Variants in PCDHGA4 observed in about 807,000 individuals in gnomAD.
PCDHGA4 encodes protocadherin gamma-A4.
In PCDHGA4, 38 loss-of-function variants were observed where a neutral mutation model predicts 54.6. The observed-to-expected ratio is 0.70, with a 90% CI of 0.54 to 0.91. PCDHGA4 has a LOEUF of 0.91. Ranked by LOEUF, PCDHGA4 falls within the 40% of genes least tolerant of loss-of-function variation. PCDHGA4 has a pLI of 0.00. For missense variants in PCDHGA4, 1,298 were observed against 1,220.9 expected, an observed-to-expected ratio of 1.06 and a Z score of -0.94; for synonymous variants, 511 against 512.9, an observed-to-expected ratio of 1.00 and a Z score of 0.05.
chr5:141,489,491 T>C lies in PCDHGA4; in HGVS notation c.2515-5316T>C. On this transcript the variant is annotated intron_variant, in intron 1 of 3. Transcript: ENST00000571252. This position sits in a 1 kb window ranked among gnomAD's most constrained non-coding sequence, Gnocchi z 4.5. ...TCCCTGAGCTTGATGAGTGGTGCCC[T>C]GGCAGTGAATCAAAAGATTGACCGA... The C allele has an allele frequency of 6.2e-7, 1 of 1,614,066 alleles. No individual in the cohort carries two copies. The highest frequency in any genetic ancestry group is 8.5e-7 in the Non-Finnish European group (1 of 1,180,024).
In PCDHGA4 at chr5:141,387,468, A is replaced by G. The variant is rs190489292; in HGVS notation, c.2514+29847A>G. On this transcript the variant is annotated intron_variant, in intron 1 of 3. Transcript: ENST00000571252. ...TACATGATTTGCCTAAAAATCCTCA[A>G]AGTTGGGATGAAGGCATTCCTAAGA... Among the ~76,000 whole-genome samples the G allele has an allele frequency of 3.6e-3, 554 of 152,350 alleles. 1 individual carries two copies. Among genetic ancestry groups the G allele is most frequent in the Non-Finnish European group, 6.0e-3 (405 of 68,034 alleles).
At chr5:141,467,431 C>T (rs1452587540) in intron 1 of PCDHGA4, among the ~76,000 whole-genome samples, 1 of 152,170 alleles carries the variant, frequency 6.6e-6, no homozygotes, top group African/African-American at 2.4e-5. Flanking sequence ...GTTATAGAAA[C>T]ATTCATTACT....
intron 1 of PCDHGA4, chr5:141,416,520 G>A (rs1209482346): frequency 6.6e-6 from 1 of 152,136 alleles, no homozygotes; most frequent in African/African-American, 2.4e-5. Context: ...TATTTCAGTG[G>A]CTCTTTAATG....
At chr5:141,375,619 G>C in intron 1 of PCDHGA4, 1 of 1,614,216 alleles carries the variant, frequency 6.2e-7, no homozygotes, top group Non-Finnish European at 8.5e-7. Flanking sequence ...CCGACACTGG[G>C]ATTCTGTACG....
rs752401867 is a variant in PCDHGA4, at chr5:141,511,224, G to A, written c.*51G>A. On this transcript the variant is annotated 3_prime_UTR_variant, in exon 4 of 4. Transcript: ENST00000571252. ...GGGCGGCCTCTCCCCAACCAGCCCA[G>A]CTTCTCCTTACCTGCACCCAGGCCT... 1.2e-6 allele frequency: 2 copies of A among 1,603,276 alleles called. No homozygotes were observed.
At chr5:141,359,669 G>T (rs1417596414) in intron 1 of PCDHGA4, among the ~76,000 whole-genome samples, 1 of 151,966 alleles carries the variant, frequency 6.6e-6, no homozygotes, top group African/African-American at 2.4e-5. Context: ...ATAAAAATCC[G>T]TTGCCCTATA....
chr5:141,497,413 T>A (rs572922456), intron 2 of PCDHGA4, among the ~76,000 whole-genome samples: 1 of 151,928 alleles, frequency 6.6e-6, no homozygotes, highest in African/African-American at 2.4e-5. Context: ...TCCCATTCCA[T>A]CAAATGAGAG....
intron 3 of PCDHGA4, among the ~76,000 whole-genome samples, chr5:141,509,907 C>T (rs149338646): frequency 3.3e-5 from 5 of 152,182 alleles, no homozygotes; most frequent in South Asian, 2.1e-4. Context: ...TTCCAGCATG[C>T]GCTTAGGTAC....
intron 1 of PCDHGA4, chr5:141,421,453 T>G: frequency 1.2e-6 from 2 of 1,614,102 alleles, no homozygotes; most frequent in Middle Eastern, 1.6e-4. Context: ...GACACAGCTT[T>G]TCGCTGTGAA....
chr5:141,410,342 C>T (rs772070270), intron 1 of PCDHGA4: 12 of 1,613,946 alleles, frequency 7.4e-6, no homozygotes, highest in Non-Finnish European at 9.3e-6. Flanking sequence ...CATTGCCTTG[C>T]GCCTGCGACG....
intron 1 of PCDHGA4, chr5:141,403,711 G>A: frequency 6.2e-7 from 1 of 1,613,930 alleles, no homozygotes; most frequent in South Asian, 1.1e-5. Context: ...AAGTCCTTGA[G>A]AACGTGCCCC....
chr5:141,413,574 T>C (rs773380895), intron 1 of PCDHGA4: 12 of 1,613,714 alleles, frequency 7.4e-6, no homozygotes, highest in Admixed American at 1.7e-5. Flanking sequence ...TCAATGACAA[T>C]GCTCCAAAAT....
chr5:141,425,962 C>T (rs2096906059), intron 1 of PCDHGA4, among the ~76,000 whole-genome samples: 2 of 152,236 alleles, frequency 1.3e-5, no homozygotes, highest in African/African-American at 2.4e-5. Flanking sequence ...TAGTCCAACA[C>T]ATCAGTCTAA....
chr5:141,374,151 T>C lies in PCDHGA4; in HGVS notation c.2514+16530T>C, dbSNP rs759314106. ...CTGCTCCTCACGCTCCTGGGGACGC[T>C]GTGGGGGGCCGCGGCAGCGCAGATC... On this transcript the variant is annotated intron_variant, in intron 1 of 3. Coordinates refer to ENST00000571252, the MANE Select transcript of PCDHGA4 (RefSeq NM_018917.4). 2 of 1,611,862 alleles carry C rather than the reference T, an allele frequency of 1.2e-6. No individual in the cohort carries two copies. Among genetic ancestry groups the C allele is most frequent in the Non-Finnish European group, 1.7e-6 (2 of 1,178,732 alleles).
intron 1 of PCDHGA4, chr5:141,370,507 C>G: frequency 1.2e-6 from 2 of 1,613,920 alleles, no homozygotes; most frequent in Non-Finnish European, 1.7e-6. Context: ...TACGCTATTC[C>G]CGAGGAGCTG....
intron 1 of PCDHGA4, chr5:141,393,310 C>A (rs775937552): frequency 1.2e-6 from 2 of 1,613,388 alleles, no homozygotes; most frequent in African/African-American, 2.7e-5. Flanking sequence ...GGCGTGAACT[C>A]CCTCCAGAGC....
In PCDHGA4 at chr5:141,489,198, C is replaced by G; in HGVS notation, c.2515-5609C>G. 1 of 1,392,402 alleles carries G rather than the reference C, an allele frequency of 7.2e-7. No individual in the cohort carries two copies. Among genetic ancestry groups the G allele is most frequent in the South Asian group, 1.4e-5 (1 of 71,348 alleles). The allele number at this position is 1,392,402 out of a possible 1,614,324, so 86.3% of individuals were successfully genotyped here. A position where few individuals can be genotyped will look rare whatever the true frequency, so the allele number is the denominator to read the frequency against. On this transcript the variant is annotated intron_variant, in intron 1 of 3. Coordinates refer to ENST00000571252, the MANE Select transcript of PCDHGA4 (RefSeq NM_018917.4). This position sits in a 1 kb window ranked among gnomAD's most constrained non-coding sequence, Gnocchi z 4.5. ...CCAAGCCCTGGGTCTACCTTGGAGA[C>G]AGGACAGCACAGACTTACTCTCCAC...
chr5:141,376,633 G>T, intron 1 of PCDHGA4: 15 of 913,104 alleles, frequency 1.6e-5, no homozygotes, highest in East Asian at 3.6e-5. Flanking sequence ...GAAGATTCGT[G>T]ATTTTGTAAA....
chr5:141,364,518 G>A (rs769955902), intron 1 of PCDHGA4: 11 of 1,614,038 alleles, frequency 6.8e-6, no homozygotes, highest in Non-Finnish European at 9.3e-6. Context: ...GCGGAGCGCG[G>A]AGTCCGCATC....
Sources: gnomAD v4.1 joint callset for allele counts (sites outside exome capture counted in the v4.1 genomes callset) on GRCh38, gnomAD v4.1.1 for gene constraint, Gnocchi (gnomAD v3.1) non-coding constraint, MANE v1.5 for transcripts, NCBI Gene and HGNC (gene_info 2026-07-23, HGNC 2026-07-21) for gene names.